ZSWIM6: variants seen among roughly 807,000 people sequenced by gnomAD.
ZSWIM6 encodes the protein zinc finger SWIM domain-containing protein 6.
A neutral mutation model predicts 113.2 loss-of-function variants in ZSWIM6; 9 were observed. The observed-to-expected ratio is 0.08, with a 90% CI of 0.05 to 0.14. ZSWIM6 has a LOEUF of 0.14. ZSWIM6 is among the 10% of genes least tolerant of loss of function. The probability of loss-of-function intolerance (pLI) is 1.00; values close to 1 mark genes in which losing one functional copy is unlikely to be tolerated. For missense variants in ZSWIM6, 1,162 were observed against 1,552.2 expected (o/e 0.75, Z 4.22); for synonymous variants, 611 against 606.5 (o/e 1.01, Z -0.11).
intron 1 of ZSWIM6, among the ~76,000 whole-genome samples, chr5:61,426,409 T>TC (rs1433034792): frequency 6.6e-6 from 1 of 152,218 alleles, no homozygotes; most frequent in East Asian, 1.9e-4. Flanking sequence ...TACATTTTTT[T>TC]CTCTCTGCTC....
intron 1 of ZSWIM6, among the ~76,000 whole-genome samples, chr5:61,412,343 C>T (rs1293296470): frequency 6.6e-6 from 1 of 152,136 alleles, no homozygotes; most frequent in Non-Finnish European, 1.5e-5. Context: ...AAGCAGCATC[C>T]TAGGTTTGAT....
intron 1 of ZSWIM6, among the ~76,000 whole-genome samples, chr5:61,353,115 G>T (rs914121453): frequency 2.6e-5 from 4 of 152,120 alleles, no homozygotes; most frequent in Admixed American, 2.0e-4. Flanking sequence ...AAGTAGCAGG[G>T]TAGAATGATC....
chr5:61,472,386 T>G lies in ZSWIM6; in HGVS notation c.677-295T>G, dbSNP rs895210528. ...GAGCAGAGTAATGATGGCCTCTTAG[T>G]GCGTGATCTAACCACTTCCTATAGG... On this transcript the variant is annotated intron_variant, in intron 1 of 13. Coordinates refer to ENST00000252744, the MANE Select transcript of ZSWIM6 (RefSeq NM_020928.2). The surrounding 1 kb of genome is among the most constrained non-coding windows in gnomAD (Gnocchi z 4.1). Among the ~76,000 whole-genome samples, 3 of 152,238 alleles carry G rather than the reference T, an allele frequency of 2.0e-5. No homozygotes were observed. Among genetic ancestry groups the G allele is most frequent in the Non-Finnish European group, 4.4e-5 (3 of 68,044 alleles).
At chr5:61,381,634 A>G (rs912807986) in intron 1 of ZSWIM6, among the ~76,000 whole-genome samples, 10 of 152,182 alleles carry the variant, frequency 6.6e-5, no homozygotes, top group Non-Finnish European at 1.0e-4. Flanking sequence ...CTACTTGGCT[A>G]TGGAAAACTA....
At chr5:61,459,320 G>C (rs928918968) in intron 1 of ZSWIM6, among the ~76,000 whole-genome samples, 1 of 152,028 alleles carries the variant, frequency 6.6e-6, no homozygotes, top group African/African-American at 2.4e-5. Flanking sequence ...GTTGTTATCA[G>C]TATCCAACAA....
chr5:61,475,835 C>T (rs1231350799), intron 2 of ZSWIM6, among the ~76,000 whole-genome samples: 2 of 152,196 alleles, frequency 1.3e-5, no homozygotes, highest in Non-Finnish European at 2.9e-5. Flanking sequence ...CATGATCCCA[C>T]CTGCCTATAA....
At chr5:61,433,708 A>G (rs1479392845) in intron 1 of ZSWIM6, among the ~76,000 whole-genome samples, 3 of 152,098 alleles carry the variant, frequency 2.0e-5, no homozygotes, top group Non-Finnish European at 2.9e-5. Flanking sequence ...GCCCGACCTC[A>G]GGTGATCCAC....
chr5:61,542,320 A>G (rs1294544925), intron 13 of ZSWIM6, among the ~76,000 whole-genome samples: 1 of 152,210 alleles, frequency 6.6e-6, no homozygotes, highest in African/African-American at 2.4e-5. Context: ...CAGAGAAGTG[A>G]TGACCACTGG....
At position 61,526,439 on chromosome 5, in the gene ZSWIM6, G is replaced by A. The variant is rs944040878; in HGVS notation, c.1837+43G>A. 1.9e-6 allele frequency: 3 copies of A among 1,549,230 alleles called. No homozygotes were observed. The Admixed American group carries it at 5.9e-5, about 31-fold the overall frequency. ...TGTTTCCATTGGAATGGGATTCTTA[G>A]TGATGACATTACTAGGTTTTGTGTT... On this transcript the variant is annotated intron_variant, in intron 7 of 13. Transcript: ENST00000252744.
intron 10 of ZSWIM6, among the ~76,000 whole-genome samples, chr5:61,538,534 T>A (rs1473728736): frequency 6.6e-6 from 1 of 152,234 alleles, no homozygotes; most frequent in African/African-American, 2.4e-5. Flanking sequence ...ATATTGTAAT[T>A]TTCTGAATGG....
In ZSWIM6 at chr5:61,332,325, C is replaced by CA; in HGVS notation, c.53_54insA (p.Gly20ArgfsTer80). On this transcript the variant is annotated frameshift_variant, in exon 1 of 14. Transcript: ENST00000252744. LOFTEE classifies it high-confidence loss of function. ...CCCGCGAAACGGCTTTGCTGCCGGCCGGGCGGCGGCGGCGGCGGCGGGGGC... is the reference window on the plus strand; with the variant it reads ...CCCGCGAAACGGCTTTGCTGCCGGCCAGGGCGGCGGCGGCGGCGGCGGGGGC... The CA allele has an allele frequency of 8.7e-7, 1 of 1,146,848 alleles. No homozygotes were observed. Among genetic ancestry groups the CA allele is most frequent in the Non-Finnish European group, 1.1e-6 (1 of 935,964 alleles). The allele number at this position is 1,146,848 out of a possible 1,614,324, so 71.0% of individuals were successfully genotyped here.
In ZSWIM6 at chr5:61,472,928, A is replaced by G; in HGVS notation, c.924A>G (p.Gln308=). 6.4e-7 allele frequency: 1 copy of G among 1,551,710 alleles called. No homozygotes were observed. Among genetic ancestry groups the G allele is most frequent in the South Asian group, 1.2e-5 (1 of 84,066 alleles). ...TLFQMNRDQL[Q]KFVQYLITVH... ...TTCAAATGAATAGAGACCAACTGCA[A>G]AAGTTTGTACAGTATTTGATCACAG... Residue 308 remains glutamine, a synonymous_variant, in exon 2 of 14, where the codon CAA becomes CAG. Coordinates refer to ENST00000252744, the MANE Select transcript of ZSWIM6 (RefSeq NM_020928.2). The surrounding 1 kb of genome is among the most constrained non-coding windows in gnomAD (Gnocchi z 4.1).
rs368571878 is a variant in ZSWIM6 at position 61,494,364 on chromosome 5, A to G, written c.1287A>G (p.Gln429=). ...CTCGCCTGTCACTTTGGCGGCAACA[A>G]GGCACTGCAATGACTGACAAATACA... ...ADPRLSLWRQ[Q]GTAMTDKYRQ... is the part of the protein sequence containing the mutation. The change falls in exon 4 of 14, where the codon CAA becomes CAG. Residue 429 remains glutamine, a synonymous_variant. Transcript: ENST00000252744. 5.2e-6 allele frequency: 8 copies of G among 1,551,138 alleles called. No individual in the cohort carries two copies. The African/African-American group carries it at 1.1e-4, about 21-fold the overall frequency.
intron 2 of ZSWIM6, among the ~76,000 whole-genome samples, chr5:61,484,539 CTT>C (rs1747963977): frequency 6.6e-6 from 1 of 152,156 alleles, no homozygotes; most frequent in Non-Finnish European, 1.5e-5. Context: ...TGGAAAGTCT[CTT>C]TTGATACATT....
At chr5:61,434,614 C>A (rs529665462) in intron 1 of ZSWIM6, among the ~76,000 whole-genome samples, 4 of 152,192 alleles carry the variant, frequency 2.6e-5, no homozygotes, top group Non-Finnish European at 1.5e-5. Flanking sequence ...CTGCAAATAC[C>A]ATTATTTCGT....
intron 4 of ZSWIM6, among the ~76,000 whole-genome samples, chr5:61,511,061 AAT>A (rs1204100743): frequency 2.0e-5 from 3 of 152,182 alleles, no homozygotes; most frequent in African/African-American, 7.2e-5. Context: ...TGACTTGCTC[AAT>A]TTGGTTAACT....
chr5:61,535,696 C>T (rs1749556777), intron 10 of ZSWIM6, 77 bp downstream of exon 10: 1 of 1,496,476 alleles, frequency 6.7e-7, no homozygotes, highest in Non-Finnish European at 9.0e-7. Flanking sequence ...TGACTTACTC[C>T]TTCATGTTTC....
rs1749555551 is a variant in ZSWIM6, at chr5:61,535,623, T to C, written c.2381+4T>C. On this transcript the variant is annotated splice_donor_region_variant and intron_variant, in intron 10 of 13. Transcript: ENST00000252744. ...AAATTGCACTGAGAGCAATGCGGTATGTATTCACAGCCCAGCTGGGCAGAG... is the reference window on the plus strand; with the variant it reads ...AAATTGCACTGAGAGCAATGCGGTACGTATTCACAGCCCAGCTGGGCAGAG... 6.4e-7 allele frequency: 1 copy of C among 1,550,882 alleles called. No homozygotes were observed. The highest frequency in any genetic ancestry group is 1.4e-5 in the African/African-American group (1 of 73,026).
chr5:61,384,247 C>CA (rs57899277), intron 1 of ZSWIM6, among the ~76,000 whole-genome samples: 2,167 of 73,938 alleles, frequency 0.029, 37 homozygotes, highest in East Asian at 0.063. Context: ...GACTCCGTCT[C>CA]AAAAAAAAAA....
Sources: allele counts gnomAD v4.1 joint callset (sites outside exome capture counted in the v4.1 genomes callset), GRCh38; gene constraint gnomAD v4.1.1; non-coding constraint Gnocchi (gnomAD v3.1); transcripts MANE v1.5; gene names NCBI Gene and HGNC (gene_info 2026-07-23, HGNC 2026-07-21).